The following SYDE2 variants were observed in gnomAD, a reference collection of about 807,000 sequenced individuals.
SYDE2 encodes the protein rho GTPase-activating protein SYDE2.
A neutral mutation model predicts 91.5 loss-of-function variants in SYDE2; 76 were observed. That is an observed-to-expected ratio of 0.83 (90% CI 0.69 to 1.01). The LOEUF is 1.01. Ranked by LOEUF, SYDE2 falls within the 50% of genes least tolerant of loss-of-function variation. SYDE2 has a pLI of 0.00. For missense variants in SYDE2, 1,364 were observed against 1,367.7 expected (o/e 1.00, Z 0.04); for synonymous variants, 513 against 506.4 (o/e 1.01, Z -0.18).
chr1:85,162,218 C>CT (rs1657089803), intron 6 of SYDE2, among the ~76,000 whole-genome samples: 1 of 152,072 alleles, frequency 6.6e-6, no homozygotes, highest in African/African-American at 2.4e-5. Flanking sequence ...GGGGGCGACT[C>CT]TTTTTAACTC....
rs929191543 is a variant in SYDE2 at position 85,159,126 on chromosome 1, G to A, written c.3209C>T (p.Ser1070Leu). The A allele has an allele frequency of 1.3e-6, 1 of 780,700 alleles. No homozygotes were observed. Among genetic ancestry groups the A allele is most frequent in the African/African-American group, 1.7e-5 (1 of 59,122 alleles). 48.4% of individuals were successfully genotyped at this position (780,700 alleles called of 1,614,324 possible). A position where few individuals can be genotyped will look rare whatever the true frequency, so the allele number is the denominator to read the frequency against. Reference sequence around the variant, plus strand: ...GTTTTGCCTTGGCCTAAGTACTCCTGATGAATCAGTACCACTCAAATTTAA... The same window carrying A: ...GTTTTGCCTTGGCCTAAGTACTCCTAATGAATCAGTACCACTCAAATTTAA... ...HMLNLSGTDSSGVLRPRQNRL... is the reference protein window; with the variant it reads ...HMLNLSGTDSLGVLRPRQNRL... Residue 1070 changes from serine to leucine, a missense_variant, in exon 7 of 7, where the codon TCA becomes TTA. Transcript: ENST00000341460.
At chr1:85,170,499 A>G (rs1657462546) in intron 4 of SYDE2, among the ~76,000 whole-genome samples, 1 of 152,202 alleles carries the variant, frequency 6.6e-6, no homozygotes. Flanking sequence ...AGAGTTGAGT[A>G]TCCTTAGTTT....
downstream of SYDE2, among the ~76,000 whole-genome samples, chr1:85,155,520 C>T (rs1439954632): frequency 6.6e-6 from 1 of 152,090 alleles, no homozygotes; most frequent in Admixed American, 6.6e-5. Flanking sequence ...CAATTACTTA[C>T]TCCAGGAACC....
At chr1:85,162,657 G>C (rs1158430380) in intron 6 of SYDE2, among the ~76,000 whole-genome samples, 1 of 152,180 alleles carries the variant, frequency 6.6e-6, no homozygotes, top group African/African-American at 2.4e-5. Context: ...ATCTGAACCT[G>C]CTTTTTCTAT....
chr1:85,183,244 T>C (rs1658007021), intron 2 of SYDE2, 44 bp from the exon 3 acceptor site: 1 of 1,474,744 alleles, frequency 6.8e-7, no homozygotes, highest in Non-Finnish European at 9.0e-7. Flanking sequence ...CAATATGTTT[T>C]GATTTCTTTT....
chr1:85,162,095 T>C (rs555322592), intron 6 of SYDE2, among the ~76,000 whole-genome samples: 2 of 152,292 alleles, frequency 1.3e-5, no homozygotes, highest in East Asian at 1.9e-4. Flanking sequence ...ACCAATTACT[T>C]TGAAGACAGG....
chr1:85,194,148 C>A (rs1023351137), intron 1 of SYDE2, among the ~76,000 whole-genome samples: 1 of 151,380 alleles, frequency 6.6e-6, no homozygotes, highest in Non-Finnish European at 1.5e-5. Context: ...TAAACTTGAG[C>A]AATTATTTAT....
At chr1:85,199,636 G>C (rs189146265) in intron 1 of SYDE2, among the ~76,000 whole-genome samples, 4 of 151,984 alleles carry the variant, frequency 2.6e-5, no homozygotes, top group African/African-American at 9.7e-5. Context: ...TTCTTTGTCG[G>C]GGGGAGGCAG....
At chr1:85,164,838 AG>A (rs1657205333) in intron 5 of SYDE2, 81 bp from the exon 6 acceptor site, 3 of 805,988 alleles carry the variant, frequency 3.7e-6, no homozygotes, top group Non-Finnish European at 5.2e-6. Flanking sequence ...AATACAGATA[AG>A]CATCTTGTCA....
chr1:85,170,215 C>G (rs948172142), intron 4 of SYDE2, among the ~76,000 whole-genome samples: 45 of 151,634 alleles, frequency 3.0e-4, no homozygotes, highest in Admixed American at 1.2e-3. Context: ...ATCCTCCCAC[C>G]TCAGCCTCTT....
Position 85,190,577 on chromosome 1 carries a change from TTTC to T in SYDE2, c.918_920del (p.Lys307del), listed in dbSNP as rs749806221. 44 of 1,613,858 alleles carry T rather than the reference TTTC, an allele frequency of 2.7e-5. No homozygotes were observed. Among genetic ancestry groups the T allele is most frequent in the Admixed American group, 5.0e-5 (3 of 60,000 alleles). On this transcript the variant is annotated inframe_deletion, in exon 2 of 7. Coordinates refer to ENST00000341460, the MANE Select transcript of SYDE2 (RefSeq NM_032184.2). ...TGGATAAATGACTTCTATCTTGGCA[TTTC>T]TTATTTTCTTCTTCCAGATTAAGAG...
chr1:85,185,296 A>G (rs1309948603), intron 2 of SYDE2, among the ~76,000 whole-genome samples: 3 of 149,268 alleles, frequency 2.0e-5, no homozygotes, highest in Non-Finnish European at 4.4e-5. Flanking sequence ...TGACAGTAAA[A>G]AAGGAGATAG....
In SYDE2 at chr1:85,186,855, A is replaced by C. The variant is rs1227618648; in HGVS notation, c.1441+3202T>G. 3.3e-5 allele frequency among the ~76,000 whole-genome samples: 5 copies of C among 152,372 alleles called. No homozygotes were observed. The East Asian group carries it at 7.7e-4, about 24-fold the overall frequency. On this transcript the variant is annotated intron_variant, in intron 2 of 6. Coordinates refer to ENST00000341460, the MANE Select transcript of SYDE2 (RefSeq NM_032184.2). ...GGATCCCTTCCTTATACCTTCTACA[A>C]AAATTAATTCAAGATGGATTAAAGA...
At chr1:85,193,267 T>C (rs545534662) in intron 1 of SYDE2, among the ~76,000 whole-genome samples, 1 of 152,206 alleles carries the variant, frequency 6.6e-6, no homozygotes. Flanking sequence ...CACATTTAAG[T>C]TCAAATCCAG....
At chr1:85,191,046 A>G (rs1394442193) in intron 1 of SYDE2, among the ~76,000 whole-genome samples, 1 of 152,146 alleles carries the variant, frequency 6.6e-6, no homozygotes, top group Non-Finnish European at 1.5e-5. Context: ...CCTAAGCAAA[A>G]CATACCTTAT....
chr1:85,182,851 A>G lies in SYDE2; in HGVS notation c.1791T>C (p.Ser597=). The G allele has an allele frequency of 6.2e-7, 1 of 1,613,840 alleles. No homozygotes were observed. Among genetic ancestry groups the G allele is most frequent in the Non-Finnish European group, 8.5e-7 (1 of 1,179,808 alleles). Residue 597 remains serine (S), a synonymous_variant, in exon 3 of 7, where the codon AGT becomes AGC. Transcript: ENST00000341460. The part of the protein sequence containing the change: ...NVISRYHLDT[S]VSSQQSYQKK... ...TCTGGTAGCTCTGCTGGGAGGATACACTGGTATCAAGATGGTATCGGCTTA... is the reference window on the plus strand; with the variant it reads ...TCTGGTAGCTCTGCTGGGAGGATACGCTGGTATCAAGATGGTATCGGCTTA...
intron 4 of SYDE2, among the ~76,000 whole-genome samples, chr1:85,171,482 C>T (rs563380646): frequency 2.6e-5 from 4 of 152,060 alleles, no homozygotes; most frequent in African/African-American, 9.6e-5. Context: ...TCTAATGATA[C>T]CCAAACAATA....
In SYDE2 at chr1:85,161,824, C is replaced by A. The variant is rs567692760; in HGVS notation, c.3086-2575G>T. 2.6e-4 allele frequency among the ~76,000 whole-genome samples: 39 copies of A among 151,626 alleles called. No homozygotes were observed. The South Asian group carries it at 7.9e-3, about 31-fold the overall frequency. ...ATCCATCTTTAAAGTGATAGGGGGGCCAGGAGTATTATTTTCAGTATTCTT... is the reference window on the plus strand; with the variant it reads ...ATCCATCTTTAAAGTGATAGGGGGGACAGGAGTATTATTTTCAGTATTCTT... On this transcript the variant is annotated intron_variant, in intron 6 of 6. Coordinates refer to ENST00000341460, the MANE Select transcript of SYDE2 (RefSeq NM_032184.2).
At chr1:85,171,382 A>C (rs1311737976) in intron 4 of SYDE2, among the ~76,000 whole-genome samples, 1 of 152,182 alleles carries the variant, frequency 6.6e-6, no homozygotes, top group Non-Finnish European at 1.5e-5. Flanking sequence ...AGATGTATGT[A>C]TGGTGAGAGG....
Sources: allele counts gnomAD v4.1 joint callset (sites outside exome capture counted in the v4.1 genomes callset), GRCh38; gene constraint gnomAD v4.1.1; transcripts MANE v1.5; gene names NCBI Gene and HGNC (gene_info 2026-07-23, HGNC 2026-07-21).